The following FAM151B variants were observed in gnomAD, a reference collection of about 807,000 sequenced individuals.
FAM151B encodes protein FAM151B.
FAM151B carries 24 observed loss-of-function variants against 31.2 expected under a neutral mutation model. That is an observed-to-expected ratio of 0.77 (90% CI 0.56 to 1.08). The LOEUF is 1.08. Among genes scored for constraint, FAM151B ranks in the 50% least tolerant of loss-of-function variants. FAM151B has a pLI of 0.00. For synonymous variants in FAM151B, 105 were observed against 111.4 expected (o/e 0.94, Z 0.36); for missense variants, 293 against 328.6 (o/e 0.89, Z 0.84).
At position 80,541,885 on chromosome 5, in the gene FAM151B, A is replaced by G. The variant is rs1376956144; in HGVS notation, c.*53A>G. 6.6e-7 allele frequency: 1 copy of G among 1,516,902 alleles called. No individual in the cohort carries two copies. Among genetic ancestry groups the G allele is most frequent in the African/African-American group, 1.4e-5 (1 of 71,452 alleles). 94.0% of individuals were successfully genotyped at this position (1,516,902 alleles called of 1,614,324 possible). A position where few individuals can be genotyped will look rare whatever the true frequency, so the allele number is the denominator to read the frequency against. ...TTTTGGTTTCATAATCCTTCTCTCCATTGGTCTGAATTAATTACCATATAA... is the reference window on the plus strand; with the variant it reads ...TTTTGGTTTCATAATCCTTCTCTCCGTTGGTCTGAATTAATTACCATATAA... On this transcript the variant is annotated 3_prime_UTR_variant, in exon 6 of 6. Transcript: ENST00000282226.
At chr5:80,500,729 G>C (rs1443183626) in intron 1 of FAM151B, 6 of 876,612 alleles carry the variant, frequency 6.8e-6, no homozygotes, top group Non-Finnish European at 9.6e-6. Flanking sequence ...AACATGCTGA[G>C]GATTGTAGAG....
intron 5 of FAM151B, among the ~76,000 whole-genome samples, chr5:80,541,269 G>A (rs181421726): frequency 1.7e-4 from 26 of 152,312 alleles, no homozygotes; most frequent in Admixed American, 1.6e-3. Context: ...TGACATTTGT[G>A]TCTCTTCACA....
intron 5 of FAM151B, among the ~76,000 whole-genome samples, chr5:80,523,706 A>G (rs1367661205): frequency 6.6e-6 from 1 of 152,164 alleles, no homozygotes; most frequent in East Asian, 1.9e-4. Context: ...TAACTGAATA[A>G]ATTAAGATGC....
chr5:80,503,165 G>T (rs540529748), intron 2 of FAM151B, among the ~76,000 whole-genome samples: 9 of 152,260 alleles, frequency 5.9e-5, no homozygotes, highest in Non-Finnish European at 1.0e-4. Context: ...TGAAAAAAAT[G>T]ATAGGAAAGG....
chr5:80,537,111 A>G (rs750958787), intron 5 of FAM151B, among the ~76,000 whole-genome samples: 15 of 152,260 alleles, frequency 9.9e-5, no homozygotes, highest in Non-Finnish European at 1.5e-5. Context: ...TGATCATTAC[A>G]TAGTACATGC....
chr5:80,492,667 A>G (rs1743372822), intron 1 of FAM151B, among the ~76,000 whole-genome samples: 1 of 152,190 alleles, frequency 6.6e-6, no homozygotes, highest in Admixed American at 6.5e-5. Context: ...ATCGAAAGCC[A>G]GAGGGCTGGG....
At position 80,501,848 on chromosome 5, in the gene FAM151B, G is replaced by A. The variant is rs747682698; in HGVS notation, c.82G>A (p.Glu28Lys). 12 of 1,604,394 alleles carry A rather than the reference G, an allele frequency of 7.5e-6. No individual in the cohort carries two copies. The highest frequency in any genetic ancestry group is 9.4e-6 in the Non-Finnish European group (11 of 1,174,100). ...TCTGAGAAATAGCCAGATTACAGCA[G>A]AAGACGGTGCTGAGATCACCTGGTA... ...YFLRNSQITA[E>K]DGAEITWYHA... Residue 28 changes from glutamate to lysine, a missense_variant, in exon 2 of 6, where the codon GAA becomes AAA. By Grantham distance (56) the Glu-to-Lys change is moderately conservative. Coordinates refer to ENST00000282226, the MANE Select transcript of FAM151B (RefSeq NM_205548.3).
intron 3 of FAM151B, among the ~76,000 whole-genome samples, chr5:80,514,371 A>T (rs896416126): frequency 6.6e-6 from 1 of 151,806 alleles, no homozygotes; most frequent in Non-Finnish European, 1.5e-5. Flanking sequence ...GCTACTGGGG[A>T]GGCTGAGGCA....
At chr5:80,495,596 T>C (rs1215641175) in intron 1 of FAM151B, among the ~76,000 whole-genome samples, 9 of 152,090 alleles carry the variant, frequency 5.9e-5, no homozygotes, top group Non-Finnish European at 1.0e-4. Context: ...TTTGGGAGGC[T>C]GAGGCAGGCG....
intron 5 of FAM151B, among the ~76,000 whole-genome samples, chr5:80,535,271 C>T (rs569860855): frequency 6.6e-6 from 1 of 152,266 alleles, no homozygotes; most frequent in South Asian, 2.1e-4. Flanking sequence ...TATGGAACCA[C>T]AAAGGCCCAG....
At chr5:80,500,497 C>G in intron 1 of FAM151B, 1 of 773,138 alleles carries the variant, frequency 1.3e-6, no homozygotes, top group Non-Finnish European at 2.3e-6. Context: ...AAGCAAAACA[C>G]TGTCACAAGG....
At chr5:80,541,107 G>C (rs944554364) in intron 5 of FAM151B, among the ~76,000 whole-genome samples, 3 of 152,166 alleles carry the variant, frequency 2.0e-5, no homozygotes, top group African/African-American at 7.2e-5. Flanking sequence ...AATTTACATA[G>C]GTTATTGGTT....
At chr5:80,541,592 G>A in intron 5 of FAM151B, 81 bp from the exon 6 acceptor site, 3 of 1,336,356 alleles carry the variant, frequency 2.2e-6, no homozygotes, top group Non-Finnish European at 3.2e-6. Context: ...AGAGATAAAT[G>A]AAAGCATTTT....
chr5:80,516,357 T>C (rs554275301), intron 3 of FAM151B, among the ~76,000 whole-genome samples: 1 of 152,314 alleles, frequency 6.6e-6, no homozygotes, highest in Admixed American at 6.5e-5. Context: ...AAATTTTATC[T>C]GGAGTCTCAG....
chr5:80,500,494 A>G (rs1435548342), intron 1 of FAM151B: 4 of 776,790 alleles, frequency 5.1e-6, no homozygotes, highest in Admixed American at 1.7e-5. Context: ...AAAAAGCAAA[A>G]CACTGTCACA....
intron 3 of FAM151B, among the ~76,000 whole-genome samples, chr5:80,517,207 T>C (rs1474495874): frequency 6.6e-6 from 1 of 152,206 alleles, no homozygotes. Context: ...ATTGTTCTAT[T>C]TTATTACTAG....
At chr5:80,500,343 T>G in intron 1 of FAM151B, 1 of 930,228 alleles carries the variant, frequency 1.1e-6, no homozygotes. Context: ...ATGGAGGGTG[T>G]AGAAGAGAAA....
intron 5 of FAM151B, among the ~76,000 whole-genome samples, chr5:80,538,444 CTTTCTCTTTCTTTCTTTCTT>C (rs1466225742): frequency 1.3e-3 from 69 of 54,388 alleles, no homozygotes; most frequent in African/African-American, 5.9e-3. Flanking sequence ...TTCTTTCTTT[CTTTCTCTTTCTTTCTTTCTT>C]TCTTTCTTTC....
At chr5:80,539,694 G>A (rs1745781696) in intron 5 of FAM151B, among the ~76,000 whole-genome samples, 1 of 151,224 alleles carries the variant, frequency 6.6e-6, no homozygotes, top group Non-Finnish European at 1.5e-5. Flanking sequence ...GTTTCACCGT[G>A]TTACCCAGGG....
Sources: allele counts gnomAD v4.1 joint callset (sites outside exome capture counted in the v4.1 genomes callset), GRCh38; gene constraint gnomAD v4.1.1; transcripts MANE v1.5; gene names NCBI Gene and HGNC (gene_info 2026-07-23, HGNC 2026-07-21).